The following UCHL5 variants were observed in gnomAD, a reference collection of about 807,000 sequenced individuals.
UCHL5 encodes the protein ubiquitin carboxyl-terminal hydrolase isozyme L5.
A neutral mutation model predicts 53.8 loss-of-function variants in UCHL5; 34 were observed. The observed-to-expected ratio is 0.63, with a 90% confidence interval of 0.48 to 0.84. The LOEUF is 0.84. UCHL5 is among the 40% of genes least tolerant of loss of function. The pLI is 0.00. For missense variants in UCHL5, 290 were observed against 385.6 expected (o/e 0.75, Z 2.08); for synonymous variants, 111 against 126.3 (o/e 0.88, Z 0.81).
intron 9 of UCHL5, 85 bp from the exon 10 acceptor site, chr1:193,021,280 G>T: frequency 1.2e-6 from 1 of 819,372 alleles, no homozygotes; most frequent in Non-Finnish European, 2.0e-6. Flanking sequence ...AAATAGAAAT[G>T]GTATATCCAT....
chr1:193,030,524 A>G (rs1660985218), intron 3 of UCHL5, among the ~76,000 whole-genome samples: 1 of 152,208 alleles, frequency 6.6e-6, no homozygotes, highest in African/African-American at 2.4e-5. Context: ...AGTTTCTTCC[A>G]CACTGCCTAA....
intron 10 of UCHL5, among the ~76,000 whole-genome samples, chr1:193,017,408 G>GTGT (rs1452753389): frequency 1.4e-4 from 21 of 151,632 alleles, no homozygotes; most frequent in African/African-American, 5.1e-4. Flanking sequence ...TGATAAAACA[G>GTGT]TGCTGTGCCT....
In UCHL5 at chr1:193,012,607, T is replaced by C. The variant is rs556966641; in HGVS notation, c.*3744A>G. On this transcript the variant is annotated 3_prime_UTR_variant, in exon 11 of 11. Coordinates refer to ENST00000367454, the MANE Select transcript of UCHL5 (RefSeq NM_001199261.3). The stretch of plus-strand genomic sequence containing the variant: ...TGCTAGTTCAGTACTAGAGAAAAAA[T>C]TATCTTCATTTAGGTCTCTACTTAA... 2.0e-5 allele frequency: 3 copies of C among 152,280 alleles called. No individual in the cohort carries two copies. In the East Asian group the frequency reaches 5.8e-4, roughly 29 times the overall value. The allele number at this position is 152,280 out of a possible 1,614,324, so 9.4% of individuals were successfully genotyped here.
chr1:193,048,754 A>G (rs1668109339), intron 3 of UCHL5, among the ~76,000 whole-genome samples: 1 of 152,258 alleles, frequency 6.6e-6, no homozygotes, highest in Non-Finnish European at 1.5e-5. Context: ...GACATTTAAA[A>G]GATTTGCAAA....
At chr1:193,037,890 T>TAAAA (rs71111446) in intron 3 of UCHL5, among the ~76,000 whole-genome samples, 6 of 118,806 alleles carry the variant, frequency 5.1e-5, no homozygotes, top group Admixed American at 9.1e-5. Flanking sequence ...CTTAAAGTAT[T>TAAAA]AAAAAAAAAA....
At chr1:193,058,773 G>C (rs1459959454) in intron 1 of UCHL5, among the ~76,000 whole-genome samples, 3 of 152,312 alleles carry the variant, frequency 2.0e-5, no homozygotes, top group African/African-American at 7.2e-5. Context: ...GCGCACCCTA[G>C]GGTGGCTTCT....
At chr1:193,059,491 G>A (rs962140158), upstream of UCHL5, 8 of 1,601,810 alleles carry the variant, frequency 5.0e-6, no homozygotes, top group East Asian at 1.6e-4. The surrounding 1 kb of genome is among the most constrained non-coding windows in gnomAD (Gnocchi z 4.9). Flanking sequence ...TGCAGCACCC[G>A]TAGCGGATTC....
chr1:193,013,962 T>C lies in UCHL5; in HGVS notation c.*2389A>G, dbSNP rs1654528807. The stretch of plus-strand genomic sequence containing the variant: ...CCGCAGCTGTTGGCAAGGTTTTTGT[T>C]GATAATAACAGAAGTACATCCCTTA... On this transcript the variant is annotated 3_prime_UTR_variant, in exon 11 of 11. Coordinates refer to ENST00000367454, the MANE Select transcript of UCHL5 (RefSeq NM_001199261.3). The C allele has an allele frequency of 6.6e-6, 1 of 152,134 alleles. No homozygotes were observed. Among genetic ancestry groups the C allele is most frequent in the African/African-American group, 2.4e-5 (1 of 41,408 alleles). The allele number at this position is 152,134 out of a possible 1,614,324, so 9.4% of individuals were successfully genotyped here.
At chr1:193,036,015 C>T (rs1258628300) in intron 3 of UCHL5, among the ~76,000 whole-genome samples, 1 of 151,438 alleles carries the variant, frequency 6.6e-6, no homozygotes, top group East Asian at 1.9e-4. Context: ...TAAAAAACAA[C>T]AAATTAAAAC....
rs183388703 is a variant in UCHL5 at position 193,050,950 on chromosome 1, C to A, written c.140+804G>T. ...ATTTTTTAAAGACAGTTCAAATGAT[C>A]CATTTTTAATTAACCTTCCCTGATC... On this transcript the variant is annotated intron_variant, in intron 2 of 10. Coordinates refer to ENST00000367454, the MANE Select transcript of UCHL5 (RefSeq NM_001199261.3). Among the ~76,000 whole-genome samples the A allele has an allele frequency of 1.3e-3, 193 of 152,194 alleles. 1 individual carries two copies. Among genetic ancestry groups the A allele is most frequent in the African/African-American group, 4.4e-3 (183 of 41,526 alleles).
intron 3 of UCHL5, among the ~76,000 whole-genome samples, chr1:193,040,137 T>C (rs1359693561): frequency 6.6e-6 from 1 of 151,938 alleles, no homozygotes; most frequent in African/African-American, 2.4e-5. Flanking sequence ...AAAGCAAAAA[T>C]AAATGAATAG....
At chr1:193,050,624 T>G (rs1360293517) in intron 2 of UCHL5, among the ~76,000 whole-genome samples, 6 of 151,938 alleles carry the variant, frequency 3.9e-5, no homozygotes, top group Admixed American at 3.3e-4. Context: ...AGCGTGCCTG[T>G]AATCCCGGCT....
At chr1:193,019,998 G>C (rs1656347805) in intron 10 of UCHL5, 1 of 984,496 alleles carries the variant, frequency 1.0e-6, no homozygotes, top group Non-Finnish European at 1.2e-6. Flanking sequence ...TGTTAACCAA[G>C]CAATTTTGAG....
intron 3 of UCHL5, among the ~76,000 whole-genome samples, chr1:193,046,448 G>A (rs1468300170): frequency 6.6e-6 from 1 of 151,850 alleles, no homozygotes. Context: ...GTTGTGATCA[G>A]GTTAATAGTA....
intron 7 of UCHL5, among the ~76,000 whole-genome samples, chr1:193,026,049 T>C (rs999642497): frequency 1.3e-5 from 2 of 151,038 alleles, no homozygotes; most frequent in Non-Finnish European, 2.9e-5. Context: ...AAGGATAGCC[T>C]TTTGAACCAC....
At position 193,015,346 on chromosome 1, in the gene UCHL5, A is replaced by C. The variant is rs1165550573; in HGVS notation, c.*1005T>G. On this transcript the variant is annotated 3_prime_UTR_variant, in exon 11 of 11. Coordinates refer to ENST00000367454, the MANE Select transcript of UCHL5 (RefSeq NM_001199261.3). The stretch of plus-strand genomic sequence containing the variant: ...AGAAAAAAGTAGGTTACTTCCTTTA[A>C]AAAAGAAAGCTTTATAAAGTCTTCT... 6.6e-6 allele frequency: 1 copy of C among 152,214 alleles called. No individual in the cohort carries two copies. Among genetic ancestry groups the C allele is most frequent in the East Asian group, 1.9e-4 (1 of 5,194 alleles). 9.4% of individuals were successfully genotyped at this position (152,214 alleles called of 1,614,324 possible).
intron 2 of UCHL5, among the ~76,000 whole-genome samples, chr1:193,050,991 C>T (rs1668862732): frequency 6.6e-6 from 1 of 152,164 alleles, no homozygotes; most frequent in Admixed American, 6.5e-5. Context: ...CACAAATGAT[C>T]TCATTTCATC....
upstream of UCHL5, chr1:193,059,569 T>C (rs1432095805): frequency 1.3e-6 from 2 of 1,506,472 alleles, no homozygotes; most frequent in Non-Finnish European, 1.8e-6. The surrounding 1 kb of genome is among the most constrained non-coding windows in gnomAD (Gnocchi z 4.9). Flanking sequence ...TCCGGGATCC[T>C]CGCCCCTCTG....
At chr1:193,026,240 C>T (rs1196146398) in intron 7 of UCHL5, among the ~76,000 whole-genome samples, 1 of 151,656 alleles carries the variant, frequency 6.6e-6, no homozygotes, top group Non-Finnish European at 1.5e-5. Context: ...TACACCGAGA[C>T]AAAGAATTCT....
Sources: gnomAD v4.1 joint callset for allele counts (sites outside exome capture counted in the v4.1 genomes callset) on GRCh38, gnomAD v4.1.1 for gene constraint, Gnocchi (gnomAD v3.1) non-coding constraint, MANE v1.5 for transcripts, NCBI Gene and HGNC (gene_info 2026-07-23, HGNC 2026-07-21) for gene names.